The following CEBPZOS variants were observed in gnomAD, a reference collection of about 807,000 sequenced individuals.
The protein encoded by CEBPZOS is CEBPZ opposite strand.
In CEBPZOS, 10 loss-of-function variants were observed where a neutral mutation model predicts 4.8. The ratio of observed to expected loss-of-function variants is 2.07; its 90% confidence interval spans 1.28 to 3.52. CEBPZOS has a LOEUF of 3.52. Among genes scored for constraint, CEBPZOS ranks in the 30% most tolerant of loss-of-function variants. CEBPZOS has a pLI of 0.00. For synonymous variants in CEBPZOS, 25 were observed against 14.2 expected, an observed-to-expected ratio of 1.77 and a Z score of -1.72; for missense variants, 98 against 43.6, an observed-to-expected ratio of 2.25 and a Z score of -3.51.
downstream of CEBPZOS, among the ~76,000 whole-genome samples, chr2:37,208,215 A>C (rs1677603694): frequency 6.6e-6 from 1 of 152,210 alleles, no homozygotes; most frequent in Admixed American, 6.5e-5. Flanking sequence ...GAATTCTATC[A>C]GACATTCAAA....
intron 4 of CEBPZOS, chr2:37,212,406 C>A: frequency 1.2e-6 from 2 of 1,606,152 alleles, no homozygotes; most frequent in Admixed American, 1.7e-5. Context: ...CCAGACAATA[C>A]AGAAATGTGA....
At chr2:37,199,177 A>T (rs1451354589) in intron 1 of CEBPZOS, among the ~76,000 whole-genome samples, 1 of 152,062 alleles carries the variant, frequency 6.6e-6, no homozygotes, top group East Asian at 1.9e-4. Context: ...TATTATTAGT[A>T]TGTATCAGTA....
chr2:37,205,761 C>A (rs1001876418), downstream of CEBPZOS, among the ~76,000 whole-genome samples: 67 of 152,186 alleles, frequency 4.4e-4, no homozygotes, highest in African/African-American at 1.5e-3. Context: ...ACATTTTTAT[C>A]AAAAATCTTA....
In CEBPZOS at chr2:37,203,327, T is replaced by C. The variant is rs1677373563; in HGVS notation, c.*1467T>C. 5.7e-6 allele frequency: 1 copy of C among 175,884 alleles called. No individual in the cohort carries two copies. Among genetic ancestry groups the C allele is most frequent in the Non-Finnish European group, 1.2e-5 (1 of 84,252 alleles). 10.9% of individuals were successfully genotyped at this position (175,884 alleles called of 1,614,324 possible). On this transcript the variant is annotated 3_prime_UTR_variant, in exon 5 of 5. Coordinates refer to ENST00000402297, the MANE Select transcript of CEBPZOS (RefSeq NM_001322374.2). ...CAATAGTAAAATTATCAGTTTGACA[T>C]GGATGGGTTTTGAAATACTTAAGAC...
chr2:37,201,982 A>T lies in CEBPZOS; in HGVS notation c.*122A>T. 7.2e-7 allele frequency: 1 copy of T among 1,395,040 alleles called. No individual in the cohort carries two copies. Among genetic ancestry groups the T allele is most frequent in the South Asian group, 1.4e-5 (1 of 73,564 alleles). The allele number at this position is 1,395,040 out of a possible 1,614,324, so 86.4% of individuals were successfully genotyped here. On this transcript the variant is annotated 3_prime_UTR_variant, in exon 5 of 5. Coordinates refer to ENST00000402297, the MANE Select transcript of CEBPZOS (RefSeq NM_001322374.2). ...GTCCCACAGAACATGCTGCTGAGTC[A>T]CAGGAACTTCTAGCCTGCCTTGGCC...
At chr2:37,215,154 C>G (rs1177270935), downstream of CEBPZOS, among the ~76,000 whole-genome samples, 3 of 151,240 alleles carry the variant, frequency 2.0e-5, no homozygotes, top group Non-Finnish European at 4.4e-5. Flanking sequence ...TGAAACTTCA[C>G]TGGCTACAGC....
At chr2:37,212,164 G>T in intron 4 of CEBPZOS, 1 of 998,616 alleles carries the variant, frequency 1.0e-6, no homozygotes, top group Non-Finnish European at 1.5e-6. Flanking sequence ...ACTGCTCAGA[G>T]TAAATAATAA....
intron 4 of CEBPZOS, chr2:37,210,826 C>T (rs1342003925): frequency 3.3e-5 from 16 of 481,796 alleles, no homozygotes; most frequent in South Asian, 1.1e-4. Flanking sequence ...TATCTGAATG[C>T]GAGAAACAAT....
At chr2:37,207,522 A>G (rs532213085), downstream of CEBPZOS, among the ~76,000 whole-genome samples, 4 of 152,306 alleles carry the variant, frequency 2.6e-5, no homozygotes, top group South Asian at 8.3e-4. Flanking sequence ...ATATACAAAT[A>G]CATGGAAATT....
downstream of CEBPZOS, among the ~76,000 whole-genome samples, chr2:37,207,655 C>T (rs556289247): frequency 3.3e-5 from 5 of 152,240 alleles, no homozygotes; most frequent in South Asian, 6.2e-4. Flanking sequence ...AAAAGCGGCA[C>T]TACATTTAGT....
intron 4 of CEBPZOS, chr2:37,211,836 T>C: frequency 6.4e-7 from 1 of 1,573,260 alleles, no homozygotes; most frequent in Non-Finnish European, 8.6e-7. Flanking sequence ...TTTTAAAAAA[T>C]GCTTACCTGG....
chr2:37,214,966 T>A, downstream of CEBPZOS: 2 of 1,546,468 alleles, frequency 1.3e-6, no homozygotes, highest in African/African-American at 1.4e-5. Flanking sequence ...CAAAAATAAA[T>A]TTAAACATTT....
intron 4 of CEBPZOS, chr2:37,211,972 C>T (rs1677735415): frequency 1.9e-6 from 3 of 1,613,504 alleles, no homozygotes; most frequent in Non-Finnish European, 2.5e-6. Context: ...CCAAGTTCAT[C>T]ATCACTACCT....
intron 1 of CEBPZOS, chr2:37,198,491 CAGGCATTGAAAAG>C (rs559640327): frequency 6.6e-5 from 10 of 152,266 alleles, no homozygotes; most frequent in African/African-American, 2.4e-4. Flanking sequence ...CACCCACCCT[CAGGCATTGAAAAG>C]GGGTCGGAAG....
At chr2:37,207,047 A>G (rs1165988282), downstream of CEBPZOS, among the ~76,000 whole-genome samples, 5 of 152,232 alleles carry the variant, frequency 3.3e-5, no homozygotes, top group African/African-American at 1.2e-4. Flanking sequence ...AACAGTTAAA[A>G]AAGACAAAGA....
chr2:37,210,362 G>A (rs1249991566), intron 4 of CEBPZOS: 1 of 152,084 alleles, frequency 6.6e-6, no homozygotes, highest in Non-Finnish European at 1.5e-5. Flanking sequence ...CAAAAATATG[G>A]AACCAACCTA....
At chr2:37,207,882 G>T (rs60133039), downstream of CEBPZOS, among the ~76,000 whole-genome samples, 30 of 151,992 alleles carry the variant, frequency 2.0e-4, no homozygotes, top group Non-Finnish European at 4.0e-4. Context: ...GAAAAATAAA[G>T]AAAATCGGTA....
rs1677465999 is a variant in CEBPZOS, at chr2:37,204,636, A to G, written c.*2776A>G. 1 of 152,078 alleles carries G rather than the reference A, an allele frequency of 6.6e-6. No individual in the cohort carries two copies. Among genetic ancestry groups the G allele is most frequent in the Non-Finnish European group, 1.5e-5 (1 of 68,012 alleles). 9.4% of individuals were successfully genotyped at this position (152,078 alleles called of 1,614,324 possible). On this transcript the variant is annotated 3_prime_UTR_variant, in exon 5 of 5. Transcript: ENST00000402297. ...GTTGCCCAGGCTGATTAAAGTTTCT[A>G]TAAGGTATGTTTATTCTTAAGGATA...
downstream of CEBPZOS, among the ~76,000 whole-genome samples, chr2:37,214,124 T>C (rs2148351924): frequency 6.6e-6 from 1 of 152,242 alleles, no homozygotes; most frequent in African/African-American, 2.4e-5. Flanking sequence ...CAAAAAATAG[T>C]TTAACTCAAT....
Sources: gnomAD v4.1 joint callset for allele counts (sites outside exome capture counted in the v4.1 genomes callset) on GRCh38, gnomAD v4.1.1 for gene constraint, MANE v1.5 for transcripts, NCBI Gene and HGNC (gene_info 2026-07-23, HGNC 2026-07-21) for gene names.